PRRC2C: variants seen among roughly 807,000 people sequenced by gnomAD.
PRRC2C encodes protein PRRC2C.
PRRC2C carries 72 observed loss-of-function variants against 317.2 expected under a neutral mutation model. The ratio of observed to expected loss-of-function variants is 0.23; its 90% confidence interval spans 0.19 to 0.28. The LOEUF (loss-of-function observed/expected upper bound fraction) is 0.28, where lower values mean the gene tolerates loss of function less well. Among genes scored for constraint, PRRC2C ranks in the 10% least tolerant of loss-of-function variants. The pLI, the probability that PRRC2C is intolerant of heterozygous loss-of-function variation, is 1.00. For missense variants in PRRC2C, 3,074 were observed against 3,459.7 expected (o/e 0.89, Z 2.80); for synonymous variants, 1,296 against 1,205.9 (o/e 1.07, Z -1.55).
At chr1:171,579,569 A>G in intron 27 of PRRC2C, 103 bp downstream of exon 27, 1 of 1,437,424 alleles carries the variant, frequency 7.0e-7, no homozygotes, top group Non-Finnish European at 9.1e-7. Context: ...ATTACAAGCT[A>G]CCCACGATTA....
chr1:171,536,467 A>G (rs1010434960), intron 14 of PRRC2C, among the ~76,000 whole-genome samples, 189 bp downstream of exon 14: 2 of 152,228 alleles, frequency 1.3e-5, no homozygotes, highest in Non-Finnish European at 2.9e-5. Flanking sequence ...CAAGAACAAA[A>G]TACTAGTTCA....
At chr1:171,591,236 T>C in intron 34 of PRRC2C, 1 of 1,008,796 alleles carries the variant, frequency 9.9e-7, no homozygotes. Context: ...TTCCTTTTCA[T>C]TTTATTGTAG....
chr1:171,573,973 G>A (rs145652206), intron 24 of PRRC2C, among the ~76,000 whole-genome samples: 4 of 151,760 alleles, frequency 2.6e-5, no homozygotes, highest in East Asian at 1.9e-4. Context: ...CACCGCACCC[G>A]GCCTCTATTT....
intron 25 of PRRC2C, among the ~76,000 whole-genome samples, chr1:171,576,673 G>C (rs1685746300): frequency 6.6e-6 from 1 of 151,936 alleles, no homozygotes; most frequent in Admixed American, 6.6e-5. Context: ...TTCTTGGTTA[G>C]TTGTTTTTGG....
chr1:171,523,180 C>T lies in PRRC2C; in HGVS notation c.834-41C>T, dbSNP rs376107997. Reference sequence around the variant, plus strand: ...TTTTAGTATTCTCCCAGTTTAGTATCATAAACTTTTGTATCTTTTCCATGA... The same window carrying T: ...TTTTAGTATTCTCCCAGTTTAGTATTATAAACTTTTGTATCTTTTCCATGA... On this transcript the variant is annotated intron_variant, in intron 7 of 34. Coordinates refer to ENST00000647382, the MANE Select transcript of PRRC2C (RefSeq NM_001387844.1). 12 of 1,540,846 alleles carry T rather than the reference C, an allele frequency of 7.8e-6. No individual in the cohort carries two copies. The African/African-American group carries it at 1.7e-4, about 21-fold the overall frequency.
intron 15 of PRRC2C, 63 bp downstream of exon 15, chr1:171,537,536 G>A (rs1677056367): frequency 7.2e-7 from 1 of 1,397,992 alleles, no homozygotes; most frequent in Non-Finnish European, 9.8e-7. Flanking sequence ...AAACTGTGTA[G>A]TGTTTCTGAA....
At chr1:171,494,976 T>A (rs1271967584) in intron 1 of PRRC2C, among the ~76,000 whole-genome samples, 1 of 152,226 alleles carries the variant, frequency 6.6e-6, no homozygotes, top group East Asian at 1.9e-4. Context: ...CACAGCTCTT[T>A]GGGTTATTTG....
Position 171,540,937 on chromosome 1 carries a change from A to C in PRRC2C, c.3471A>C (p.Ser1157=). The change falls in exon 16 of 35, where the codon TCA becomes TCC. Residue 1157 remains serine (S), a synonymous_variant. Transcript: ENST00000647382. ...TTATAGAGAGGCCTCGACCAGATTC[A>C]AGACCAGCAGTTAAAAAAGAATCAA... The part of the protein sequence containing the change: ...DLVIERPRPD[S]RPAVKKESTL... 3 of 1,613,924 alleles carry C rather than the reference A, an allele frequency of 1.9e-6. No individual in the cohort carries two copies. Among genetic ancestry groups the C allele is most frequent in the Non-Finnish European group, 2.5e-6 (3 of 1,179,856 alleles).
Position 171,557,537 on chromosome 1 carries a change from G to C in PRRC2C, c.5425G>C (p.Ala1809Pro). 6.4e-7 allele frequency: 1 copy of C among 1,551,476 alleles called. No homozygotes were observed. Among genetic ancestry groups the C allele is most frequent in the Non-Finnish European group, 8.7e-7 (1 of 1,146,938 alleles). The change falls in exon 19 of 35, where the codon GCT (alanine) becomes CCT (proline). Residue 1809 changes from alanine to proline, a missense_variant. Physicochemically the swap from Ala to Pro is conservative, Grantham distance 27. This residue lies in a region of PRRC2C where 640 missense variants were observed against 676.1 expected (regional missense o/e 0.95). Transcript: ENST00000647382. ...AGCTCCAGTTCCAGCCTCACCCTTA[G>C]CTCCAGTTTCAGCCTCAGCCTCAGT... Reference protein sequence around the residue: ...TSAPVPASPLAPVSASASVSA... With the variant: ...TSAPVPASPLPPVSASASVSA...
At chr1:171,559,865 G>T (rs1022018505) in intron 19 of PRRC2C, among the ~76,000 whole-genome samples, 9 of 152,022 alleles carry the variant, frequency 5.9e-5, no homozygotes, top group African/African-American at 2.2e-4. Flanking sequence ...TACTGCTCAG[G>T]GGGAAAAATG....
Position 171,541,401 on chromosome 1 carries a change from A to G in PRRC2C, c.3935A>G (p.His1312Arg). Residue 1312 changes from histidine to arginine, a missense_variant, in exon 16 of 35, where the codon CAT becomes CGT. By Grantham distance (29) the His-to-Arg change is conservative. Transcript: ENST00000647382. The surrounding 1 kb of genome is among the most constrained non-coding windows in gnomAD (Gnocchi z 4.1). ...CATTCTTCTTTCAAGCCTGATAATC[A>G]TGTTCGAATAGATAATAGACTGCTA... is the stretch of plus-strand genomic sequence containing the variant. ...KPHSSFKPDNHVRIDNRLLEK... is the reference protein window; with the variant it reads ...KPHSSFKPDNRVRIDNRLLEK... 3.7e-6 allele frequency: 6 copies of G among 1,613,494 alleles called. No homozygotes were observed. Among genetic ancestry groups the G allele is most frequent in the Non-Finnish European group, 5.1e-6 (6 of 1,179,758 alleles).
intron 1 of PRRC2C, among the ~76,000 whole-genome samples, chr1:171,498,271 A>G (rs556274870): frequency 6.6e-6 from 1 of 152,272 alleles, no homozygotes; most frequent in Admixed American, 6.5e-5. Context: ...TGGGTAACTT[A>G]TAAATAACAG....
chr1:171,560,212 GGAA>G (rs1207428223), intron 19 of PRRC2C, among the ~76,000 whole-genome samples: 3 of 152,298 alleles, frequency 2.0e-5, no homozygotes, highest in Admixed American at 6.5e-5. Context: ...ACAGGGGTTT[GGAA>G]GAAGTTGATT....
At chr1:171,586,756 T>C (rs1484486464) in intron 30 of PRRC2C, among the ~76,000 whole-genome samples, 2 of 142,098 alleles carry the variant, frequency 1.4e-5, no homozygotes, top group African/African-American at 5.1e-5. Flanking sequence ...AATTTTCGTA[T>C]TTTTTTTTTT....
chr1:171,557,707 T>C lies in PRRC2C; in HGVS notation c.5595T>C (p.Ile1865=). ...TTCTTGCCTCAGCCTCAATTCCCAT[T>C]CTTGCTTCAGCCCTAGCATCAACTT... ...VTILASASIP[I]LASALASTSA... is the part of the protein sequence containing the mutation. Residue 1865 remains isoleucine (I), a synonymous_variant, in exon 19 of 35, where the codon ATT becomes ATC. Coordinates refer to ENST00000647382, the MANE Select transcript of PRRC2C (RefSeq NM_001387844.1). 1 of 1,551,230 alleles carries C rather than the reference T, an allele frequency of 6.4e-7. No individual in the cohort carries two copies. The highest frequency in any genetic ancestry group is 8.7e-7 in the Non-Finnish European group (1 of 1,146,906).
intron 1 of PRRC2C, among the ~76,000 whole-genome samples, chr1:171,509,282 C>A (rs1670855879): frequency 6.6e-6 from 1 of 152,174 alleles, no homozygotes; most frequent in African/African-American, 2.4e-5. Flanking sequence ...TGCCTCTGTT[C>A]TAGTTAAAAG....
chr1:171,534,102 C>A (rs1056671483), intron 12 of PRRC2C, among the ~76,000 whole-genome samples: 4 of 152,152 alleles, frequency 2.6e-5, no homozygotes. Context: ...TATTTATATG[C>A]AGGGTTACCT....
At chr1:171,494,737 A>G (rs1667801641) in intron 1 of PRRC2C, among the ~76,000 whole-genome samples, 1 of 152,110 alleles carries the variant, frequency 6.6e-6, no homozygotes, top group African/African-American at 2.4e-5. Flanking sequence ...CGTGATCTAC[A>G]CTAGGATTTG....
intron 20 of PRRC2C, 135 bp downstream of exon 20, chr1:171,561,238 T>G: frequency 2.4e-6 from 2 of 845,266 alleles, no homozygotes; most frequent in Non-Finnish European, 4.0e-6. Context: ...GAGACCAGCC[T>G]GGGCAACATA....
Sources: allele counts gnomAD v4.1 joint callset (sites outside exome capture counted in the v4.1 genomes callset), GRCh38; gene constraint gnomAD v4.1.1; regional missense constraint gnomAD v4.1.1; non-coding constraint Gnocchi (gnomAD v3.1); transcripts MANE v1.5; gene names NCBI Gene and HGNC (gene_info 2026-07-23, HGNC 2026-07-21).